HPS3: variants seen among roughly 807,000 people sequenced by gnomAD.
The protein encoded by HPS3 is HPS3 biogenesis of lysosomal organelles complex 2 subunit 1.
A neutral mutation model predicts 110.9 loss-of-function variants in HPS3; 79 were observed. That is an observed-to-expected ratio of 0.71 (90% CI 0.59 to 0.86). The LOEUF (loss-of-function observed/expected upper bound fraction) is 0.86. Among genes scored for constraint, HPS3 ranks in the 40% least tolerant of loss-of-function variants. The pLI is 0.00. For missense variants in HPS3, 1,197 were observed against 1,206.2 expected (o/e 0.99, Z 0.11); for synonymous variants, 428 against 451.0 (o/e 0.95, Z 0.65).
intron 7 of HPS3, 68 bp downstream of exon 7, chr3:149,153,716 G>T: frequency 1.3e-6 from 2 of 1,494,498 alleles, no homozygotes; most frequent in South Asian, 2.3e-5. Flanking sequence ...TATATTTTGT[G>T]TTTATCTTTT....
chr3:149,166,816 T>G (rs1403726819), intron 14 of HPS3, among the ~76,000 whole-genome samples: 1 of 152,220 alleles, frequency 6.6e-6, no homozygotes, highest in African/African-American at 2.4e-5. Flanking sequence ...TTAAAAATGA[T>G]TGCTTTCTAT....
At chr3:149,169,108 A>G (rs185242958) in intron 16 of HPS3, among the ~76,000 whole-genome samples, 1 of 152,016 alleles carries the variant, frequency 6.6e-6, no homozygotes, top group Admixed American at 6.6e-5. Context: ...ATTAGACTGT[A>G]ATACCTCAAG....
Position 149,157,526 on chromosome 3 carries a change from C to G in HPS3, c.1686C>G (p.Tyr562Ter), listed in dbSNP as rs1292407171. 1 of 1,613,612 alleles carries G rather than the reference C, an allele frequency of 6.2e-7. No individual in the cohort carries two copies. Among genetic ancestry groups the G allele is most frequent in the Non-Finnish European group, 8.5e-7 (1 of 1,179,676 alleles). Reference protein sequence around the residue: ...KESCGHLGDCYSRLDSQHSHL... With the variant: ...KESCGHLGDC ...GCTGTGGGCACCTTGGGGACTGTTACAGCAGGTGGGTGACACCTCTTGGAA... is the reference window on the plus strand; with the variant it reads ...GCTGTGGGCACCTTGGGGACTGTTAGAGCAGGTGGGTGACACCTCTTGGAA... The change falls in exon 9 of 17, where the codon TAC becomes TAG. Residue 562 changes from tyrosine to a stop codon, truncating the protein, a stop_gained. Coordinates refer to ENST00000296051, the MANE Select transcript of HPS3 (RefSeq NM_032383.5). LOFTEE classifies it high-confidence loss of function.
rs750012989 is a variant in HPS3, at chr3:149,155,195, G to T, written c.1489G>T (p.Val497Leu). The T allele has an allele frequency of 1.3e-6, 2 of 1,568,346 alleles. No homozygotes were observed. The highest frequency in any genetic ancestry group is 1.4e-5 in the African/African-American group (1 of 73,900). Residue 497 changes from valine to leucine, a missense_variant, in exon 8 of 17, where the codon GTG becomes TTG. Coordinates refer to ENST00000296051, the MANE Select transcript of HPS3 (RefSeq NM_032383.5). ...NLYIVNTISP[V>L]QLYKEMVDYS... ...GTATATTGTGAATACGATCTCACCA[G>T]TGCAGCTGTACAAAGAGATGGTACT...
chr3:149,164,267 G>T (rs1484810726), intron 14 of HPS3, among the ~76,000 whole-genome samples: 1 of 152,200 alleles, frequency 6.6e-6, no homozygotes, highest in Non-Finnish European at 1.5e-5. Context: ...CAAATGTTTA[G>T]TGGTGTTTTT....
chr3:149,140,698 G>A lies in HPS3; in HGVS notation c.712+200G>A, dbSNP rs565928278. ...CATGTGAATATATTTATCAGTAGAA[G>A]TAATGGAACAACCACTGCTAGATGA... On this transcript the variant is annotated intron_variant, in intron 2 of 16. Coordinates refer to ENST00000296051, the MANE Select transcript of HPS3 (RefSeq NM_032383.5). Among the ~76,000 whole-genome samples the A allele has an allele frequency of 1.1e-4, 16 of 152,298 alleles. No individual in the cohort carries two copies. In the East Asian group the frequency reaches 3.1e-3, roughly 29 times the overall value.
At chr3:149,168,011 A>G in intron 16 of HPS3, 28 bp downstream of exon 16, 1 of 1,270,966 alleles carries the variant, frequency 7.9e-7, no homozygotes, top group Non-Finnish European at 1.2e-6. Context: ...TTGCTTGATT[A>G]TAAACTTAAG....
intron 1 of HPS3, among the ~76,000 whole-genome samples, chr3:149,137,814 G>A (rs1437520675): frequency 6.6e-6 from 1 of 152,138 alleles, no homozygotes; most frequent in Non-Finnish European, 1.5e-5. Flanking sequence ...CTGGGGAGAG[G>A]GAGGAATAGG....
intron 4 of HPS3, among the ~76,000 whole-genome samples, chr3:149,141,632 C>T (rs1722478787): frequency 6.9e-6 from 1 of 144,562 alleles, no homozygotes; most frequent in Non-Finnish European, 1.5e-5. Flanking sequence ...TTCCTGGGTT[C>T]AAGTGATTCT....
At chr3:149,164,069 C>T in intron 14 of HPS3, 120 bp downstream of exon 14, 1 of 626,316 alleles carries the variant, frequency 1.6e-6, no homozygotes, top group South Asian at 1.8e-5. Context: ...GGGACAAAAT[C>T]CATAGTTAGG....
In HPS3 at chr3:149,173,726, G is replaced by T. The variant is rs1223476535; in HGVS notation, c.*1504G>T. The T allele has an allele frequency of 3.5e-6, 5 of 1,436,358 alleles. No individual in the cohort carries two copies. Among genetic ancestry groups the T allele is most frequent in the Non-Finnish European group, 4.8e-6 (5 of 1,040,142 alleles). 89.0% of individuals were successfully genotyped at this position (1,436,358 alleles called of 1,614,324 possible). ...CAATTTATTTCATTCAGCCAGATTTGGTGTCTATAGAAAAAGAAATTTTAA... is the reference window on the plus strand; with the variant it reads ...CAATTTATTTCATTCAGCCAGATTTTGTGTCTATAGAAAAAGAAATTTTAA... On this transcript the variant is annotated 3_prime_UTR_variant, in exon 17 of 17. Transcript: ENST00000296051.
intron 5 of HPS3, among the ~76,000 whole-genome samples, chr3:149,148,548 G>A (rs997612203): frequency 4.0e-5 from 6 of 151,482 alleles, no homozygotes; most frequent in Admixed American, 3.9e-4. Context: ...GGTTACAGGT[G>A]CCCATCACCA....
intron 1 of HPS3, among the ~76,000 whole-genome samples, chr3:149,132,351 T>C (rs1721831095): frequency 6.6e-6 from 1 of 152,214 alleles, no homozygotes; most frequent in African/African-American, 2.4e-5. Flanking sequence ...TTGAGGCCAG[T>C]TCTCATTTAC....
chr3:149,154,345 A>G (rs1723310042), intron 7 of HPS3, among the ~76,000 whole-genome samples: 1 of 152,164 alleles, frequency 6.6e-6, no homozygotes, highest in Non-Finnish European at 1.5e-5. Context: ...GGTTATTTTT[A>G]ACATAGATTT....
Position 149,129,646 on chromosome 3 carries a change from T to A in HPS3, c.-78T>A. 1.8e-6 allele frequency: 2 copies of A among 1,134,842 alleles called. No homozygotes were observed. The highest frequency in any genetic ancestry group is 3.2e-5 in the South Asian group (2 of 61,640). 70.3% of individuals were successfully genotyped at this position (1,134,842 alleles called of 1,614,324 possible). A position where few individuals can be genotyped will look rare whatever the true frequency, so the allele number is the denominator to read the frequency against. On this transcript the variant is annotated 5_prime_UTR_variant, in exon 1 of 17. Transcript: ENST00000296051. ...GTCATTGGCTCGCTCGCGGAAGTAG[T>A]CCTACATTCGCGGTCAGCGCGGGGT...
intron 1 of HPS3, among the ~76,000 whole-genome samples, chr3:149,138,427 C>T (rs938212848): frequency 2.0e-5 from 3 of 152,170 alleles, no homozygotes; most frequent in African/African-American, 7.2e-5. Flanking sequence ...GACTTATCTC[C>T]TTCTTTACCC....
rs1725132352 is a variant in HPS3, at chr3:149,172,771, G to A, written c.*549G>A. The A allele has an allele frequency of 2.6e-5, 4 of 152,800 alleles. No homozygotes were observed. Among genetic ancestry groups the A allele is most frequent in the Admixed American group, 2.6e-4 (4 of 15,288 alleles). 9.5% of individuals were successfully genotyped at this position (152,800 alleles called of 1,614,324 possible). ...TCTTGTTACTTTTAAGAAAACTCAT[G>A]CTCTGTTTCTCTGAATCAAATGAAG... On this transcript the variant is annotated 3_prime_UTR_variant, in exon 17 of 17. Transcript: ENST00000296051.
chr3:149,171,054 C>T lies in HPS3; in HGVS notation c.2888-1041C>T, dbSNP rs185107648. 1.6e-4 allele frequency among the ~76,000 whole-genome samples: 24 copies of T among 152,186 alleles called. No individual in the cohort carries two copies. The East Asian group carries it at 3.1e-3, about 20-fold the overall frequency. On this transcript the variant is annotated intron_variant, in intron 16 of 16. Coordinates refer to ENST00000296051, the MANE Select transcript of HPS3 (RefSeq NM_032383.5). Reference sequence around the variant, plus strand: ...CAGTGCTTTGGGAGGCCAAGGCAGGCGGATCATGAGGTCAAGAGATCGAGA... The same window carrying T: ...CAGTGCTTTGGGAGGCCAAGGCAGGTGGATCATGAGGTCAAGAGATCGAGA...
intron 6 of HPS3, among the ~76,000 whole-genome samples, chr3:149,151,766 A>T (rs1272647876): frequency 1.3e-5 from 2 of 152,146 alleles, no homozygotes; most frequent in African/African-American, 4.8e-5. Flanking sequence ...TTTGAATTGG[A>T]TATTTGTTAG....
Sources: allele counts gnomAD v4.1 joint callset (sites outside exome capture counted in the v4.1 genomes callset), GRCh38; gene constraint gnomAD v4.1.1; transcripts MANE v1.5; gene names NCBI Gene and HGNC (gene_info 2026-07-23, HGNC 2026-07-21).